The following ADAMTSL1 variants were observed in gnomAD, a reference collection of about 807,000 sequenced individuals.
ADAMTSL1 encodes ADAMTS like 1.
A neutral mutation model predicts 201.8 loss-of-function variants in ADAMTSL1; 126 were observed. The observed-to-expected ratio is 0.62, with a 90% CI of 0.54 to 0.72. ADAMTSL1 has a LOEUF of 0.72. ADAMTSL1 is among the 30% of genes least tolerant of loss of function. ADAMTSL1 has a pLI of 0.00. For missense variants in ADAMTSL1, 2,679 were observed against 2,277.8 expected (o/e 1.18, Z -3.59); for synonymous variants, 1,121 against 903.4 (o/e 1.24, Z -4.32).
chr9:17,940,171 A>C (rs1038151477), intron 1 of ADAMTSL1, among the ~76,000 whole-genome samples: 14 of 152,138 alleles, frequency 9.2e-5, no homozygotes, highest in African/African-American at 2.9e-4. Context: ...GAGGTTGTTT[A>C]ATGCTTTTGT....
intron 14 of ADAMTSL1, among the ~76,000 whole-genome samples, chr9:18,714,784 A>G (rs1425039984): frequency 3.9e-5 from 6 of 152,066 alleles, no homozygotes; most frequent in Non-Finnish European, 7.3e-5. Flanking sequence ...AGCCGGGCAG[A>G]GACACAACCA....
intron 1 of ADAMTSL1, among the ~76,000 whole-genome samples, chr9:18,038,744 A>G (rs1218398818): frequency 2.0e-5 from 3 of 152,210 alleles, no homozygotes; most frequent in South Asian, 4.1e-4. Context: ...CCAACTTTTC[A>G]CATGAAGTTT....
chr9:18,181,017 C>G (rs199692550), intron 2 of ADAMTSL1, among the ~76,000 whole-genome samples: 143 of 152,062 alleles, frequency 9.4e-4, no homozygotes, highest in South Asian at 8.3e-4. Flanking sequence ...ACAAACCTGA[C>G]AAAAACAAGC....
intron 1 of ADAMTSL1, among the ~76,000 whole-genome samples, chr9:18,161,789 G>T (rs998551310): frequency 6.6e-6 from 1 of 151,974 alleles, no homozygotes; most frequent in African/African-American, 2.4e-5. Context: ...GATAGGGGAA[G>T]AACTAACAGA....
chr9:18,412,089 AT>A (rs1181187743), intron 2 of ADAMTSL1, among the ~76,000 whole-genome samples: 1 of 152,178 alleles, frequency 6.6e-6, no homozygotes, highest in African/African-American at 2.4e-5. Flanking sequence ...TAGAATATTC[AT>A]TCTGGATTTT....
chr9:18,498,336 C>T (rs1178587067), intron 1 of ADAMTSL1, among the ~76,000 whole-genome samples: 1 of 150,146 alleles, frequency 6.7e-6, no homozygotes, highest in Non-Finnish European at 1.5e-5. Context: ...TCCCCCCACC[C>T]CCTTTTTTTT....
At chr9:18,136,836 C>T (rs916884352) in intron 1 of ADAMTSL1, among the ~76,000 whole-genome samples, 26 of 152,000 alleles carry the variant, frequency 1.7e-4, no homozygotes, top group African/African-American at 6.3e-4. Context: ...TTAAGCAAGG[C>T]AGTACAGGAC....
At chr9:18,902,252 C>T (rs967376157) in intron 26 of ADAMTSL1, among the ~76,000 whole-genome samples, 20 of 152,226 alleles carry the variant, frequency 1.3e-4, no homozygotes, top group Non-Finnish European at 2.5e-4. Flanking sequence ...ATACTATAAA[C>T]CAATTGGAGC....
chr9:18,527,509 G>T (rs1049919186), intron 2 of ADAMTSL1, among the ~76,000 whole-genome samples: 3 of 152,096 alleles, frequency 2.0e-5, no homozygotes, highest in South Asian at 2.1e-4. Flanking sequence ...ATATGAGAAG[G>T]GGGATGGGGG....
chr9:18,857,543 C>A (rs1212096140), intron 23 of ADAMTSL1, among the ~76,000 whole-genome samples: 3 of 152,200 alleles, frequency 2.0e-5, no homozygotes, highest in Non-Finnish European at 4.4e-5. Context: ...ATGCTGGGCT[C>A]TTCTTATCAC....
At chr9:18,147,428 T>G (rs142719417) in intron 1 of ADAMTSL1, among the ~76,000 whole-genome samples, 143 of 152,266 alleles carry the variant, frequency 9.4e-4, no homozygotes, top group African/African-American at 3.3e-3. Context: ...ACTTAGCACC[T>G]ATTGGACACA....
Position 18,777,038 on chromosome 9 carries a change from C to T in ADAMTSL1, c.2809C>T (p.Leu937Phe). 1.2e-6 allele frequency: 2 copies of T among 1,611,688 alleles called. No homozygotes were observed. The highest frequency in any genetic ancestry group is 1.7e-6 in the Non-Finnish European group (2 of 1,178,598). The change falls in exon 19 of 29, where the codon CTC becomes TTC. Residue 937 changes from leucine (L) to phenylalanine (F), a missense_variant. Coordinates refer to ENST00000380548, the MANE Select transcript of ADAMTSL1 (RefSeq NM_001040272.6). ...CTTCGGCTATCTCAAGATCCACCGC[C>T]TCAAGCCCTCGGATGCAGGCGTCTA... ...APFGYLKIHR[L>F]KPSDAGVYTC...
chr9:18,310,233 C>T (rs1461676254), intron 2 of ADAMTSL1, among the ~76,000 whole-genome samples: 1 of 151,716 alleles, frequency 6.6e-6, no homozygotes, highest in Non-Finnish European at 1.5e-5. Context: ...CCATAAAAAT[C>T]CTAGAAGAAA....
At chr9:17,978,244 A>G (rs2131454291) in intron 1 of ADAMTSL1, among the ~76,000 whole-genome samples, 1 of 152,134 alleles carries the variant, frequency 6.6e-6, no homozygotes, top group South Asian at 2.1e-4. Context: ...TTATTTTTTT[A>G]TCCCTCTATG....
intron 2 of ADAMTSL1, among the ~76,000 whole-genome samples, chr9:18,247,190 A>T (rs936943547): frequency 1.3e-5 from 2 of 152,204 alleles, no homozygotes; most frequent in African/African-American, 4.8e-5. Flanking sequence ...AATAAAACAC[A>T]ATATTATCCC....
chr9:18,582,200 A>G (rs1823141512), intron 4 of ADAMTSL1, among the ~76,000 whole-genome samples: 1 of 152,212 alleles, frequency 6.6e-6, no homozygotes, highest in Non-Finnish European at 1.5e-5. Flanking sequence ...ACCAGAGCAC[A>G]CTACCTAAAT....
intron 2 of ADAMTSL1, among the ~76,000 whole-genome samples, chr9:18,333,557 T>C (rs1835115166): frequency 6.6e-6 from 1 of 152,176 alleles, no homozygotes; most frequent in African/African-American, 2.4e-5. Flanking sequence ...TTTGTAAAAA[T>C]GACTTCAGAT....
intron 1 of ADAMTSL1, among the ~76,000 whole-genome samples, chr9:18,488,302 G>A (rs575617333): frequency 2.6e-5 from 4 of 152,186 alleles, no homozygotes; most frequent in East Asian, 3.9e-4. Flanking sequence ...ATCTAGGGGC[G>A]CCTGTTTCCT....
chr9:18,851,885 C>T (rs1446140477), intron 23 of ADAMTSL1, among the ~76,000 whole-genome samples: 3 of 152,226 alleles, frequency 2.0e-5, no homozygotes, highest in Non-Finnish European at 4.4e-5. Context: ...ACTGGCCCAG[C>T]TCCTGAGATT....
Sources: gnomAD v4.1 joint callset for allele counts (sites outside exome capture counted in the v4.1 genomes callset) on GRCh38, gnomAD v4.1.1 for gene constraint, MANE v1.5 for transcripts, NCBI Gene and HGNC (gene_info 2026-07-23, HGNC 2026-07-21) for gene names.